The following PTPN13 variants were observed in gnomAD, a reference collection of about 807,000 sequenced individuals.
PTPN13 encodes protein tyrosine phosphatase non-receptor type 13.
Under a neutral mutation model 284.0 loss-of-function variants are expected in PTPN13, and 191 were observed. The observed-to-expected ratio is 0.67, with a 90% CI of 0.60 to 0.76. The LOEUF (loss-of-function observed/expected upper bound fraction) is 0.76. Ranked by LOEUF, PTPN13 falls within the 30% of genes least tolerant of loss-of-function variation. The pLI, the probability that PTPN13 is intolerant of heterozygous loss-of-function variation, is 0.00. For missense variants in PTPN13, 2,797 were observed against 2,939.9 expected, an observed-to-expected ratio of 0.95 and a Z score of 1.12; for synonymous variants, 986 against 1,022.3, an observed-to-expected ratio of 0.96 and a Z score of 0.68.
In PTPN13 at chr4:86,807,877, A is replaced by G. The variant is rs754649256; in HGVS notation, c.7063A>G (p.Met2355Val). 16 of 1,612,844 alleles carry G rather than the reference A, an allele frequency of 9.9e-6. No homozygotes were observed. The highest frequency in any genetic ancestry group is 2.2e-5 in the East Asian group (1 of 44,894). ...QQLKGFVVRA[M>V]TLEDIQTREV... is the part of the protein sequence containing the mutation. ...GCTGAAGGGCTTTGTGGTGAGGGCA[A>G]TGACCCTTGAAGATATTCAGGTAAG... The change falls in exon 45 of 48, where the codon ATG (methionine) becomes GTG (valine). Residue 2355 changes from methionine (M) to valine (V), a missense_variant. By Grantham distance (21) the Met-to-Val change is conservative (BLOSUM62 1). Coordinates refer to ENST00000411767, the MANE Select transcript of PTPN13 (RefSeq NM_080683.3).
intron 4 of PTPN13, among the ~76,000 whole-genome samples, chr4:86,687,991 G>A (rs545045346): frequency 2.6e-5 from 4 of 152,198 alleles, no homozygotes; most frequent in South Asian, 2.1e-4. Flanking sequence ...CTATAGTGAC[G>A]CTTGCCTATG....
At chr4:86,669,830 G>A (rs1167742866) in intron 2 of PTPN13, among the ~76,000 whole-genome samples, 6 of 152,156 alleles carry the variant, frequency 3.9e-5, no homozygotes, top group East Asian at 3.9e-4. Flanking sequence ...ATTTGAAATG[G>A]TAACAGTTAC....
rs766024937 is a variant in PTPN13 at position 86,750,538 on chromosome 4, A to G, written c.2719A>G (p.Ile907Val). The G allele has an allele frequency of 1.2e-5, 20 of 1,613,978 alleles. No homozygotes were observed. Among genetic ancestry groups the G allele is most frequent in the Middle Eastern group, 3.3e-4 (2 of 6,060 alleles). ...TAGAGGATTTAATATGGGACGAGCA[A>G]TCAGCACTGGCAGTCTGGCCAGCAG... ...SVRGFNMGRA[I>V]STGSLASSTL... Residue 907 changes from isoleucine to valine, a missense_variant, in exon 18 of 48, where the codon ATC (isoleucine) becomes GTC (valine). Transcript: ENST00000411767.
intron 36 of PTPN13, among the ~76,000 whole-genome samples, chr4:86,780,839 G>C (rs896334967): frequency 6.6e-6 from 1 of 152,132 alleles, no homozygotes; most frequent in Non-Finnish European, 1.5e-5. Context: ...CAAAATAAAT[G>C]TTCTGAATTA....
At chr4:86,684,921 A>G (rs141983963) in intron 3 of PTPN13, among the ~76,000 whole-genome samples, 2,548 of 152,306 alleles carry the variant, frequency 0.017, 37 homozygotes, top group Non-Finnish European at 0.027. Flanking sequence ...TTTGTGTCAC[A>G]GAAAAAAATA....
intron 23 of PTPN13, among the ~76,000 whole-genome samples, chr4:86,759,528 T>C (rs1233781865): frequency 6.6e-6 from 1 of 152,210 alleles, no homozygotes; most frequent in African/African-American, 2.4e-5. Context: ...GACAGTGATC[T>C]TTGCCCTGCT....
intron 12 of PTPN13, 43 bp downstream of exon 12, chr4:86,732,809 G>A (rs1212651883): frequency 2.0e-6 from 3 of 1,522,516 alleles, no homozygotes; most frequent in Admixed American, 1.9e-5. Context: ...TAGAAATTTA[G>A]CAACAAGCAG....
intron 3 of PTPN13, among the ~76,000 whole-genome samples, chr4:86,680,632 C>G (rs1028930403): frequency 2.6e-5 from 4 of 152,134 alleles, no homozygotes; most frequent in Non-Finnish European, 4.4e-5. Flanking sequence ...ATTAATACCC[C>G]TGATCATGAG....
intron 10 of PTPN13, among the ~76,000 whole-genome samples, chr4:86,731,719 C>T (rs906974866): frequency 2.0e-5 from 3 of 152,138 alleles, no homozygotes; most frequent in African/African-American, 7.2e-5. Context: ...TTATAGCTCA[C>T]AGCAGCCTGG....
At chr4:86,689,948 A>G (rs1729857153) in intron 5 of PTPN13, 1 of 460,808 alleles carries the variant, frequency 2.2e-6, no homozygotes, top group East Asian at 3.3e-5. Context: ...TACCACTGCC[A>G]CACAGTGTTC....
chr4:86,694,579 CAAAAAAAAAA>C (rs1000226646), intron 6 of PTPN13, among the ~76,000 whole-genome samples: 7 of 32,360 alleles, frequency 2.2e-4, no homozygotes, highest in East Asian at 8.2e-4. Flanking sequence ...ACTTCTGTCT[CAAAAAAAAAA>C]AAAAAAAAAA....
intron 10 of PTPN13, among the ~76,000 whole-genome samples, chr4:86,723,613 C>T (rs1340423936): frequency 6.6e-6 from 1 of 152,176 alleles, no homozygotes; most frequent in Non-Finnish European, 1.5e-5. Context: ...CAAAGGCAGA[C>T]ACCGTTTAAG....
At chr4:86,655,108 G>A (rs1198604090) in intron 2 of PTPN13, among the ~76,000 whole-genome samples, 15 of 152,020 alleles carry the variant, frequency 9.9e-5, no homozygotes, top group Middle Eastern at 3.4e-3. Flanking sequence ...ATCTTCCTGC[G>A]TCCCTTTATT....
At position 86,809,756 on chromosome 4, in the gene PTPN13, T is replaced by C. The variant is rs751982077; in HGVS notation, c.7084-13T>C. 1.9e-6 allele frequency: 3 copies of C among 1,606,954 alleles called. No individual in the cohort carries two copies. Among genetic ancestry groups the C allele is most frequent in the Non-Finnish European group, 2.6e-6 (3 of 1,173,494 alleles). ...ACATGTCATGATCCACTTATTCTGT[T>C]ATACAATTTCAGACCAGAGAGGTGC... is the stretch of plus-strand genomic sequence containing the variant. On this transcript the variant is annotated splice_polypyrimidine_tract_variant and intron_variant, in intron 45 of 47. Coordinates refer to ENST00000411767, the MANE Select transcript of PTPN13 (RefSeq NM_080683.3).
chr4:86,610,870 T>G (rs1334134206), intron 1 of PTPN13, among the ~76,000 whole-genome samples: 9 of 152,236 alleles, frequency 5.9e-5, no homozygotes, highest in Non-Finnish European at 8.8e-5. Flanking sequence ...GAGATAATGG[T>G]ATTAATAATG....
chr4:86,701,502 G>C lies in PTPN13; in HGVS notation c.896G>C (p.Trp299Ser). 1 of 1,613,934 alleles carries C rather than the reference G, an allele frequency of 6.2e-7. No individual in the cohort carries two copies. Among genetic ancestry groups the C allele is most frequent in the Non-Finnish European group, 8.5e-7 (1 of 1,179,864 alleles). Residue 299 changes from tryptophan (W) to serine (S), a missense_variant, in exon 7 of 48, where the codon TGG (tryptophan) becomes TCG (serine). By Grantham distance (177) the Trp-to-Ser change is radical. Transcript: ENST00000411767. ...GATGTGCTTTCTAAGAAGAAGATCTGGGCTTCATCCATGGACTTGCTTTGT... is the reference window on the plus strand; with the variant it reads ...GATGTGCTTTCTAAGAAGAAGATCTCGGCTTCATCCATGGACTTGCTTTGT... ...GIDVLSKKKI[W>S]ASSMDLLCTA...
At position 86,701,518 on chromosome 4, in the gene PTPN13, CT is replaced by C; in HGVS notation, c.914del (p.Leu305CysfsTer25). ...KKKIWASSMD[L>X]LCTADRDFSS... ...AGAAGATCTGGGCTTCATCCATGGA[CT>C]TGCTTTGTACAGCTGACAGAGACTT... On this transcript the variant is annotated frameshift_variant, in exon 7 of 48. Coordinates refer to ENST00000411767, the MANE Select transcript of PTPN13 (RefSeq NM_080683.3). LOFTEE classifies it high-confidence loss of function. 3 of 1,613,950 alleles carry C rather than the reference CT, an allele frequency of 1.9e-6. No homozygotes were observed. The highest frequency in any genetic ancestry group is 2.5e-6 in the Non-Finnish European group (3 of 1,179,862).
At chr4:86,595,397 T>A (rs1373676937) in intron 1 of PTPN13, among the ~76,000 whole-genome samples, 3 of 152,056 alleles carry the variant, frequency 2.0e-5, no homozygotes, top group African/African-American at 7.2e-5. Flanking sequence ...CCCACCGCTT[T>A]GCTCATTACG....
intron 16 of PTPN13, 47 bp downstream of exon 16, chr4:86,741,863 C>A: frequency 6.8e-7 from 1 of 1,476,052 alleles, no homozygotes. Context: ...ATGATATTAC[C>A]AACTTCCAAT....
Sources: gnomAD v4.1 joint callset for allele counts (sites outside exome capture counted in the v4.1 genomes callset) on GRCh38, gnomAD v4.1.1 for gene constraint, MANE v1.5 for transcripts, NCBI Gene and HGNC (gene_info 2026-07-23, HGNC 2026-07-21) for gene names.